The following ADCY9 variants were observed in gnomAD, a reference collection of about 807,000 sequenced individuals.
ADCY9 encodes adenylate cyclase type 9.
In ADCY9, 50 loss-of-function variants were observed where a neutral mutation model predicts 101.5. That is an observed-to-expected ratio of 0.49 (90% CI 0.39 to 0.62). ADCY9 has a LOEUF of 0.62. Ranked by LOEUF, ADCY9 falls within the 20% of genes least tolerant of loss-of-function variation. The probability of loss-of-function intolerance (pLI) is 0.00; values close to 1 mark genes in which losing one functional copy is unlikely to be tolerated. For missense variants in ADCY9, 1,662 were observed against 1,800.4 expected (o/e 0.92, Z 1.39); for synonymous variants, 905 against 769.3 (o/e 1.18, Z -2.92).
intron 2 of ADCY9, among the ~76,000 whole-genome samples, chr16:4,043,590 C>T (rs887327810): frequency 1.3e-5 from 2 of 151,638 alleles, no homozygotes; most frequent in Admixed American, 6.6e-5. Flanking sequence ...CTTGGGAGGC[C>T]GAGGCAGGAG....
At chr16:4,105,270 G>C (rs188102357) in intron 2 of ADCY9, among the ~76,000 whole-genome samples, 7 of 152,160 alleles carry the variant, frequency 4.6e-5, no homozygotes, top group Admixed American at 4.6e-4. Context: ...AGATTTTTAA[G>C]CTTCTCAGTT....
intron 2 of ADCY9, among the ~76,000 whole-genome samples, chr16:4,048,746 C>T (rs935582650): frequency 6.6e-6 from 1 of 152,108 alleles, no homozygotes; most frequent in African/African-American, 2.4e-5. Context: ...ACAGCGTGAG[C>T]GTCCACTAGA....
In ADCY9 at chr16:4,116,055, C is replaced by A. The variant is rs2057150533; in HGVS notation, c.-409G>T. 6.9e-6 allele frequency: 1 copy of A among 145,896 alleles called. No individual in the cohort carries two copies. Among genetic ancestry groups the A allele is most frequent in the African/African-American group, 2.5e-5 (1 of 40,742 alleles). 9.0% of individuals were successfully genotyped at this position (145,896 alleles called of 1,614,324 possible). On this transcript the variant is annotated 5_prime_UTR_variant, in exon 1 of 11. Transcript: ENST00000294016. ...CCCGGCCGCCCCCCGCGCTCCGGGCCGGCCCTGCCCGCGGCGGCGGGCGCT... is the reference window on the plus strand; with the variant it reads ...CCCGGCCGCCCCCCGCGCTCCGGGCAGGCCCTGCCCGCGGCGGCGGGCGCT...
At chr16:4,102,329 C>T (rs1223507523) in intron 2 of ADCY9, among the ~76,000 whole-genome samples, 1 of 152,006 alleles carries the variant, frequency 6.6e-6, no homozygotes, top group East Asian at 1.9e-4. Flanking sequence ...GAATTAAGCC[C>T]GAATGTATCA....
In ADCY9 at chr16:3,992,095, A is replaced by G. The variant is rs1480124445; in HGVS notation, c.2207+51T>C. ...TAAAGAAAAGAAAAGAAAAAGGCAGAGAGGCTTCTGCCTGCAACCTTTGCT... is the reference window on the plus strand; with the variant it reads ...TAAAGAAAAGAAAAGAAAAAGGCAGGGAGGCTTCTGCCTGCAACCTTTGCT... On this transcript the variant is annotated intron_variant, in intron 5 of 10. Transcript: ENST00000294016. The surrounding 1 kb of genome is among the most constrained non-coding windows in gnomAD (Gnocchi z 4.2). The G allele has an allele frequency of 1.3e-6, 2 of 1,566,666 alleles. No homozygotes were observed. The highest frequency in any genetic ancestry group is 2.7e-5 in the African/African-American group (2 of 73,426).
In ADCY9 at chr16:3,966,288, C is replaced by A. The variant is rs1286442744; in HGVS notation, c.3549G>T (p.Leu1183=). 6.2e-7 allele frequency: 1 copy of A among 1,614,084 alleles called. No homozygotes were observed. Among genetic ancestry groups the A allele is most frequent in the Non-Finnish European group, 8.5e-7 (1 of 1,180,050 alleles). ...TAGVIGTTKL[L]YDIWGDTVNI... ...TGACGGTGTCTCCCCAGATGTCGTA[C>A]AGCAGCTTGGTGGTGCCGATGACCC... Residue 1183 remains leucine, a synonymous_variant, in exon 11 of 11, where the codon CTG becomes CTT. Coordinates refer to ENST00000294016, the MANE Select transcript of ADCY9 (RefSeq NM_001116.4).
chr16:3,963,417 C>T lies in ADCY9; in HGVS notation c.*2358G>A, dbSNP rs780524086. 1.0e-5 allele frequency: 4 copies of T among 398,426 alleles called. No homozygotes were observed. The highest frequency in any genetic ancestry group is 4.4e-5 in the Admixed American group (1 of 22,698). 24.7% of individuals were successfully genotyped at this position (398,426 alleles called of 1,614,324 possible). On this transcript the variant is annotated 3_prime_UTR_variant, in exon 11 of 11. Transcript: ENST00000294016. ...TGTGGTTCTGCACTGAGGTATGCATCGGAGCAGGGGACGGGGAGGACCCGA... is the reference window on the plus strand; with the variant it reads ...TGTGGTTCTGCACTGAGGTATGCATTGGAGCAGGGGACGGGGAGGACCCGA...
intron 3 of ADCY9, among the ~76,000 whole-genome samples, chr16:3,997,154 C>T (rs1490702792): frequency 2.6e-5 from 4 of 152,204 alleles, no homozygotes; most frequent in Non-Finnish European, 5.9e-5. Context: ...CGTGAGCCAC[C>T]GTGCCCGGCC....
chr16:4,110,376 C>CTTTTTTTTTTTTTT (rs1170090126), intron 2 of ADCY9, among the ~76,000 whole-genome samples: 4 of 110,742 alleles, frequency 3.6e-5, no homozygotes, highest in African/African-American at 3.6e-5. Flanking sequence ...CTTATACCTA[C>CTTTTTTTTTTTTTT]TTTTTTTTTT....
chr16:4,115,776 G>C lies in ADCY9; in HGVS notation c.-130C>G, dbSNP rs1358955371. On this transcript the variant is annotated 5_prime_UTR_variant, in exon 1 of 11. Transcript: ENST00000294016. The surrounding 1 kb of genome is among the most constrained non-coding windows in gnomAD (Gnocchi z 6.2). ...CGCCTTCCGCGCCTCTCGCCCCGAG[G>C]GTGGCCTCCGCGCCGCGCGGCTTCT... 2 of 404,800 alleles carry C rather than the reference G, an allele frequency of 4.9e-6. No individual in the cohort carries two copies. The highest frequency in any genetic ancestry group is 8.7e-6 in the Non-Finnish European group (2 of 230,282). The allele number at this position is 404,800 out of a possible 1,614,324, so 25.1% of individuals were successfully genotyped here. A position where few individuals can be genotyped will look rare whatever the true frequency, so the allele number is the denominator to read the frequency against.
chr16:4,095,510 C>T lies in ADCY9; in HGVS notation c.1693+18240G>A, dbSNP rs533393452. Among the ~76,000 whole-genome samples the T allele has an allele frequency of 1.7e-4, 26 of 152,266 alleles. No individual in the cohort carries two copies. In the East Asian group the frequency reaches 2.3e-3, roughly 14 times the overall value. On this transcript the variant is annotated intron_variant, in intron 2 of 10. Coordinates refer to ENST00000294016, the MANE Select transcript of ADCY9 (RefSeq NM_001116.4). ...TCAGTCCAGGATTCACTCAGTCCTACGAGTGAAAAACTTGCCAACACAGTG... is the reference window on the plus strand; with the variant it reads ...TCAGTCCAGGATTCACTCAGTCCTATGAGTGAAAAACTTGCCAACACAGTG...
Position 4,062,154 on chromosome 16 carries a change from A to C in ADCY9, c.1693+51596T>G, listed in dbSNP as rs369348178. ...GGCAACATGGCAAAACCCCATCTCT[A>C]CTTTTTAAAAGCTATATATAGATCT... On this transcript the variant is annotated intron_variant, in intron 2 of 10. Coordinates refer to ENST00000294016, the MANE Select transcript of ADCY9 (RefSeq NM_001116.4). Among the ~76,000 whole-genome samples the C allele has an allele frequency of 2.6e-5, 4 of 152,330 alleles. No individual in the cohort carries two copies. In the East Asian group the frequency reaches 5.8e-4, roughly 22 times the overall value.
chr16:4,000,073 C>T (rs1597155910), intron 3 of ADCY9, among the ~76,000 whole-genome samples: 1 of 152,152 alleles, frequency 6.6e-6, no homozygotes, highest in African/African-American at 2.4e-5. Flanking sequence ...TGCAAGATGT[C>T]GTGTTATCAG....
chr16:4,104,180 A>T (rs1597229432), intron 2 of ADCY9, among the ~76,000 whole-genome samples: 1 of 152,304 alleles, frequency 6.6e-6, no homozygotes, highest in East Asian at 1.9e-4. Context: ...GCCGCCAATG[A>T]TAAAAAATTC....
downstream of ADCY9, among the ~76,000 whole-genome samples, chr16:3,958,792 C>A (rs2055922272): frequency 6.6e-6 from 1 of 150,642 alleles, no homozygotes; most frequent in Non-Finnish European, 1.5e-5. Context: ...GTGCCTTAGC[C>A]TCCAAGTAGC....
intron 2 of ADCY9, among the ~76,000 whole-genome samples, chr16:4,063,661 A>G (rs1009929230): frequency 2.7e-4 from 41 of 151,934 alleles, no homozygotes; most frequent in African/African-American, 9.4e-4. Flanking sequence ...GCAGTGAGCC[A>G]GTATCGCACC....
At chr16:4,101,526 A>T (rs1322456882) in intron 2 of ADCY9, among the ~76,000 whole-genome samples, 1 of 152,006 alleles carries the variant, frequency 6.6e-6, no homozygotes, top group Non-Finnish European at 1.5e-5. Context: ...CGATCCTCCT[A>T]CCTTGGCCTT....
rs537375124 is a variant in ADCY9 at position 4,045,993 on chromosome 16, T to C, written c.1694-38435A>G. Among the ~76,000 whole-genome samples the C allele has an allele frequency of 2.7e-5, 4 of 149,450 alleles. No homozygotes were observed. The Admixed American group carries it at 2.7e-4, about 10-fold the overall frequency. On this transcript the variant is annotated intron_variant, in intron 2 of 10. Transcript: ENST00000294016. ...CCCAGTAGCTGGGACTACAGTTGCA[T>C]ACCACCACACCTGGCTAAACTTTTT...
intron 2 of ADCY9, among the ~76,000 whole-genome samples, chr16:4,033,666 C>T (rs914818399): frequency 5.9e-5 from 9 of 152,068 alleles, no homozygotes; most frequent in South Asian, 2.1e-4. Flanking sequence ...CCACCCGCCT[C>T]GGCCTCCCAA....
Sources: gnomAD v4.1 joint callset for allele counts (sites outside exome capture counted in the v4.1 genomes callset) on GRCh38, gnomAD v4.1.1 for gene constraint, Gnocchi (gnomAD v3.1) non-coding constraint, MANE v1.5 for transcripts, NCBI Gene and HGNC (gene_info 2026-07-23, HGNC 2026-07-21) for gene names.